The following PTPRR variants were observed in gnomAD, a reference collection of about 807,000 sequenced individuals.
PTPRR encodes the protein protein tyrosine phosphatase receptor type R.
PTPRR carries 38 observed loss-of-function variants against 77.2 expected under a neutral mutation model. The observed-to-expected ratio is 0.49, with a 90% CI of 0.38 to 0.65. PTPRR has a LOEUF of 0.65. Ranked by LOEUF, PTPRR falls within the 30% of genes least tolerant of loss-of-function variation. The probability of loss-of-function intolerance (pLI) is 0.00; values close to 1 mark genes in which losing one functional copy is unlikely to be tolerated. For missense variants in PTPRR, 744 were observed against 799.2 expected, an observed-to-expected ratio of 0.93 and a Z score of 0.83; for synonymous variants, 299 against 283.1, an observed-to-expected ratio of 1.06 and a Z score of -0.57.
intron 6 of PTPRR, among the ~76,000 whole-genome samples, chr12:70,715,373 G>A (rs74903896): frequency 2.6e-5 from 4 of 152,166 alleles, no homozygotes; most frequent in Non-Finnish European, 2.9e-5. Flanking sequence ...CTACAGGACC[G>A]GGGCAAAGTT....
intron 10 of PTPRR, chr12:70,672,015 A>T (rs775489348): frequency 1.0e-4 from 133 of 1,304,586 alleles, no homozygotes; most frequent in Non-Finnish European, 6.9e-5. Flanking sequence ...GTCCAGTTCC[A>T]GGCACCCCAC....
At chr12:70,803,427 G>A (rs1891651654) in intron 2 of PTPRR, among the ~76,000 whole-genome samples, 1 of 152,064 alleles carries the variant, frequency 6.6e-6, no homozygotes, top group African/African-American at 2.4e-5. Context: ...CTAAATCTAA[G>A]TGCAAACACC....
intron 2 of PTPRR, among the ~76,000 whole-genome samples, chr12:70,799,147 A>G (rs1023974660): frequency 1.3e-5 from 2 of 152,124 alleles, no homozygotes; most frequent in African/African-American, 4.8e-5. Flanking sequence ...GTACACATTA[A>G]TTTTTATCCT....
intron 2 of PTPRR, among the ~76,000 whole-genome samples, chr12:70,773,144 C>T (rs1248032372): frequency 1.3e-5 from 2 of 152,082 alleles, no homozygotes; most frequent in Non-Finnish European, 2.9e-5. Context: ...CAAATTTTCC[C>T]TTTTTATAAG....
intron 2 of PTPRR, among the ~76,000 whole-genome samples, chr12:70,885,774 C>T (rs1432348787): frequency 1.3e-5 from 2 of 152,118 alleles, no homozygotes; most frequent in Non-Finnish European, 2.9e-5. Flanking sequence ...CCACGTGATC[C>T]ACCAGCCTTG....
intron 2 of PTPRR, among the ~76,000 whole-genome samples, chr12:70,852,333 G>T (rs995007598): frequency 1.3e-5 from 2 of 152,070 alleles, no homozygotes; most frequent in Admixed American, 6.6e-5. Context: ...CTATATGAAA[G>T]AAATTAAAAA....
At chr12:70,721,267 T>A (rs1889240663) in intron 6 of PTPRR, among the ~76,000 whole-genome samples, 1 of 152,096 alleles carries the variant, frequency 6.6e-6, no homozygotes, top group African/African-American at 2.4e-5. Context: ...TTGATTAGAG[T>A]CTGAGTCAGT....
intron 6 of PTPRR, among the ~76,000 whole-genome samples, chr12:70,740,716 A>G (rs1890019514): frequency 6.6e-6 from 1 of 152,174 alleles, no homozygotes; most frequent in Non-Finnish European, 1.5e-5. Flanking sequence ...GGGATGAGAA[A>G]TTTATATGAC....
chr12:70,672,862 T>C (rs1457668576), intron 10 of PTPRR: 1 of 1,558,980 alleles, frequency 6.4e-7, no homozygotes, highest in Non-Finnish European at 8.7e-7. Context: ...GGTGGTGTGA[T>C]GGCTCCTGCA....
intron 2 of PTPRR, among the ~76,000 whole-genome samples, chr12:70,864,925 C>A (rs1892815845): frequency 6.6e-6 from 1 of 152,144 alleles, no homozygotes; most frequent in Non-Finnish European, 1.5e-5. Flanking sequence ...GATTCTCCTG[C>A]CTTAGCCTCC....
chr12:70,695,939 G>A (rs555522853), intron 8 of PTPRR, among the ~76,000 whole-genome samples: 1 of 152,252 alleles, frequency 6.6e-6, no homozygotes, highest in Non-Finnish European at 1.5e-5. Flanking sequence ...GCCAAAGATA[G>A]TATTAACAGT....
intron 2 of PTPRR, among the ~76,000 whole-genome samples, chr12:70,797,815 CTCT>C (rs1464285574): frequency 3.3e-5 from 5 of 152,122 alleles, no homozygotes; most frequent in African/African-American, 9.7e-5. Flanking sequence ...TCACTGGCTC[CTCT>C]TCTTCTACTC....
chr12:70,668,903 G>T (rs934544805), intron 10 of PTPRR, among the ~76,000 whole-genome samples: 2 of 152,192 alleles, frequency 1.3e-5, no homozygotes, highest in Admixed American at 1.3e-4. Flanking sequence ...TTCTTGGAAT[G>T]TATTTAATTA....
chr12:70,895,731 T>C (rs572054616), intron 1 of PTPRR, among the ~76,000 whole-genome samples: 30 of 151,780 alleles, frequency 2.0e-4, no homozygotes, highest in Non-Finnish European at 1.5e-5. Flanking sequence ...AATTCTTATG[T>C]TCAAACTCTG....
chr12:70,905,590 A>T (rs1376275749), intron 1 of PTPRR, among the ~76,000 whole-genome samples: 9 of 151,976 alleles, frequency 5.9e-5, no homozygotes, highest in African/African-American at 2.2e-4. Flanking sequence ...TCTGGGTATG[A>T]CCTTGGTAGC....
chr12:70,703,453 G>A (rs1888505646), intron 6 of PTPRR, among the ~76,000 whole-genome samples: 1 of 152,080 alleles, frequency 6.6e-6, no homozygotes, highest in Non-Finnish European at 1.5e-5. Flanking sequence ...TTTTGGTGGT[G>A]GTTGATAGGG....
At chr12:70,717,294 A>G (rs1208766270) in intron 6 of PTPRR, among the ~76,000 whole-genome samples, 2 of 152,192 alleles carry the variant, frequency 1.3e-5, no homozygotes, top group East Asian at 3.8e-4. Context: ...AACATTGAGC[A>G]CTAACATTCT....
At chr12:70,766,964 T>G (rs967424055) in intron 2 of PTPRR, among the ~76,000 whole-genome samples, 7 of 152,196 alleles carry the variant, frequency 4.6e-5, no homozygotes, top group Admixed American at 2.6e-4. Context: ...AAGCAAATGC[T>G]GAGAGATTTT....
At chr12:70,828,609 G>T (rs201314413) in intron 2 of PTPRR, among the ~76,000 whole-genome samples, 10 of 152,182 alleles carry the variant, frequency 6.6e-5, no homozygotes, top group Non-Finnish European at 1.5e-4. Context: ...CCTTGGCCAT[G>T]TTATTATTTC....
Sources: allele counts gnomAD v4.1 joint callset (sites outside exome capture counted in the v4.1 genomes callset), GRCh38; gene constraint gnomAD v4.1.1; transcripts MANE v1.5; gene names NCBI Gene and HGNC (gene_info 2026-07-23, HGNC 2026-07-21).